HAS2: variants seen among roughly 807,000 people sequenced by gnomAD.
The protein encoded by HAS2 is hyaluronan synthase 2, also known as HA synthase 2.
HAS2 carries 16 observed loss-of-function variants against 51.6 expected under a neutral mutation model. The observed-to-expected ratio is 0.31, with a 90% CI of 0.21 to 0.47. The LOEUF is 0.47. Ranked by LOEUF, HAS2 falls within the 20% of genes least tolerant of loss-of-function variation. HAS2 has a pLI of 1.00. For missense variants in HAS2, 361 were observed against 662.6 expected (o/e 0.54, Z 5.00); for synonymous variants, 228 against 235.5 (o/e 0.97, Z 0.29).
chr8:121,620,007 C>T (rs1367675032), intron 2 of HAS2, among the ~76,000 whole-genome samples: 2 of 152,180 alleles, frequency 1.3e-5, no homozygotes. Flanking sequence ...CAATTGGTCC[C>T]TGCCCCTCCC....
intron 2 of HAS2, among the ~76,000 whole-genome samples, chr8:121,623,156 C>T (rs186444928): frequency 1.1e-4 from 16 of 152,144 alleles, no homozygotes; most frequent in Non-Finnish European, 7.4e-5. Context: ...AATATACAAG[C>T]CTTCCTTAGT....
intron 1 of HAS2, among the ~76,000 whole-genome samples, chr8:121,635,129 A>G (rs1439741964): frequency 6.6e-6 from 1 of 152,154 alleles, no homozygotes; most frequent in East Asian, 1.9e-4. Context: ...AGTCAGTTAT[A>G]CTAGTGTTCA....
intron 2 of HAS2, among the ~76,000 whole-genome samples, chr8:121,627,816 T>A (rs1812874808): frequency 6.6e-6 from 1 of 152,146 alleles, no homozygotes; most frequent in Non-Finnish European, 1.5e-5. Flanking sequence ...TCACTAGAAA[T>A]TCTAGAGGAG....
chr8:121,634,426 C>A (rs937433750), intron 1 of HAS2, among the ~76,000 whole-genome samples: 2 of 151,738 alleles, frequency 1.3e-5, no homozygotes, highest in Non-Finnish European at 2.9e-5. Context: ...CCTCTCTTCA[C>A]CCCCTGCCAT....
intron 1 of HAS2, among the ~76,000 whole-genome samples, chr8:121,638,958 G>A (rs1813048868): frequency 6.6e-6 from 1 of 152,140 alleles, no homozygotes; most frequent in Admixed American, 6.5e-5. Context: ...TTTTAAACCT[G>A]GCATCGTGTA....
chr8:121,632,830 T>C (rs1812951604), intron 1 of HAS2, among the ~76,000 whole-genome samples: 1 of 152,164 alleles, frequency 6.6e-6, no homozygotes, highest in African/African-American at 2.4e-5. Context: ...AAGTTTCTTT[T>C]TTTAAGCATA....
Position 121,614,801 on chromosome 8 carries a change from T to C in HAS2, c.967A>G (p.Ser323Gly), listed in dbSNP as rs1446884497. The C allele has an allele frequency of 1.2e-6, 2 of 1,614,240 alleles. No individual in the cohort carries two copies. The highest frequency in any genetic ancestry group is 2.7e-5 in the African/African-American group (2 of 75,062). Residue 323 changes from serine (S) to glycine (G), a missense_variant, in exon 4 of 4, where the codon AGC becomes GGC. This residue lies in a region of HAS2 where 106 missense variants were observed against 241.0 expected (regional missense o/e 0.44). Transcript: ENST00000303924. The surrounding 1 kb of genome is among the most constrained non-coding windows in gnomAD (Gnocchi z 7.2). ...DDRHLTNRVL[S>G]LGYATKYTAR... ...GTGTATTTTGTTGCATAGCCCAGGC[T>C]CAGCACCCGGTTCGTGAGATGCCTG...
At chr8:121,627,202 G>A (rs75720337) in intron 2 of HAS2, among the ~76,000 whole-genome samples, 7,146 of 152,198 alleles carry the variant, frequency 0.047, 222 homozygotes, top group Non-Finnish European at 0.067. Flanking sequence ...CTCATTTAAA[G>A]TCCAGAACTT....
intron 1 of HAS2, among the ~76,000 whole-genome samples, chr8:121,638,235 T>G (rs1813040185): frequency 6.6e-6 from 1 of 152,198 alleles, no homozygotes; most frequent in African/African-American, 2.4e-5. Flanking sequence ...CTAACAAAAA[T>G]GAGTGGTTCC....
chr8:121,626,447 C>G (rs1216680950), intron 2 of HAS2, among the ~76,000 whole-genome samples: 2 of 152,166 alleles, frequency 1.3e-5, no homozygotes, highest in Admixed American at 6.5e-5. Context: ...AAGCAGAATT[C>G]TCCAGCAAGT....
At chr8:121,620,506 C>A (rs2130436605) in intron 2 of HAS2, among the ~76,000 whole-genome samples, 1 of 152,282 alleles carries the variant, frequency 6.6e-6, no homozygotes, top group Non-Finnish European at 1.5e-5. Context: ...TTTGGCCACA[C>A]TAAGTGTATC....
rs1016288023 is a variant in HAS2 at position 121,613,977 on chromosome 8, TAA to T, written c.*130_*131del. ...TTGGCAGAATGAAAATAAACCCATA[TAA>T]ATGTCTTTGTTCAAGTCCCAGCAGC... On this transcript the variant is annotated 3_prime_UTR_variant, in exon 4 of 4. Coordinates refer to ENST00000303924, the MANE Select transcript of HAS2 (RefSeq NM_005328.3). 57 of 1,364,390 alleles carry T rather than the reference TAA, an allele frequency of 4.2e-5. No individual in the cohort carries two copies. The highest frequency in any genetic ancestry group is 5.1e-5 in the Non-Finnish European group (50 of 981,320). 84.5% of individuals were successfully genotyped at this position (1,364,390 alleles called of 1,614,324 possible).
At chr8:121,637,999 TTTGAAAGTA>T (rs1472877650) in intron 1 of HAS2, among the ~76,000 whole-genome samples, 1 of 152,200 alleles carries the variant, frequency 6.6e-6, no homozygotes, top group African/African-American at 2.4e-5. Flanking sequence ...GTTCTTAGAC[TTTGAAAGTA>T]AATGTGTAAT....
intron 2 of HAS2, among the ~76,000 whole-genome samples, chr8:121,619,962 A>G (rs1240482686): frequency 2.6e-5 from 4 of 152,192 alleles, no homozygotes; most frequent in Admixed American, 6.5e-5. Flanking sequence ...TGAAATGACT[A>G]CACTGGAACC....
intron 2 of HAS2, among the ~76,000 whole-genome samples, chr8:121,623,304 ATAAAAGG>A: frequency 6.6e-6 from 1 of 152,322 alleles, no homozygotes; most frequent in East Asian, 1.9e-4. Context: ...AGTGAAAGTT[ATAAAAGG>A]TGCAAAACAA....
At chr8:121,638,973 AAT>A (rs2130456203) in intron 1 of HAS2, among the ~76,000 whole-genome samples, 1 of 152,336 alleles carries the variant, frequency 6.6e-6, no homozygotes, top group African/African-American at 2.4e-5. Flanking sequence ...CGTGTATGTA[AAT>A]ATGTGTTGAC....
intron 1 of HAS2, chr8:121,640,052 G>T (rs1813071389): frequency 6.6e-6 from 1 of 152,242 alleles, no homozygotes; most frequent in African/African-American, 2.4e-5. Flanking sequence ...CGGTCCCCAC[G>T]CACGCCCTGC....
intron 1 of HAS2, among the ~76,000 whole-genome samples, chr8:121,636,590 C>T (rs546858698): frequency 3.3e-5 from 5 of 152,118 alleles, no homozygotes; most frequent in Non-Finnish European, 7.4e-5. Context: ...TTCCTTTGCA[C>T]CATCTATATT....
chr8:121,617,882 C>G (rs2130433997), intron 2 of HAS2, among the ~76,000 whole-genome samples: 1 of 152,156 alleles, frequency 6.6e-6, no homozygotes, highest in South Asian at 2.1e-4. Context: ...CCTTCAACAC[C>G]TTTTTATTCT....
Sources: allele counts gnomAD v4.1 joint callset (sites outside exome capture counted in the v4.1 genomes callset), GRCh38; gene constraint gnomAD v4.1.1; regional missense constraint gnomAD v4.1.1; non-coding constraint Gnocchi (gnomAD v3.1); transcripts MANE v1.5; gene names NCBI Gene and HGNC (gene_info 2026-07-23, HGNC 2026-07-21).